The following TRPS1 variants were observed in gnomAD, a reference collection of about 807,000 sequenced individuals.
TRPS1 encodes transcriptional repressor GATA binding 1, also known as zinc finger transcription factor Trps1.
Under a neutral mutation model 101.2 loss-of-function variants are expected in TRPS1, and 6 were observed. The observed-to-expected ratio is 0.06, with a 90% confidence interval of 0.03 to 0.12. The LOEUF is 0.12. Ranked by LOEUF, TRPS1 falls within the 10% of genes least tolerant of loss-of-function variation. The pLI, the probability that TRPS1 is intolerant of heterozygous loss-of-function variation, is 1.00. For synonymous variants in TRPS1, 578 were observed against 589.8 expected (o/e 0.98, Z 0.29); for missense variants, 1,363 against 1,567.0 (o/e 0.87, Z 2.20).
chr8:115,547,556 T>C (rs779433353), intron 5 of TRPS1, among the ~76,000 whole-genome samples: 2 of 152,154 alleles, frequency 1.3e-5, no homozygotes, highest in Non-Finnish European at 2.9e-5. Context: ...GTGTTTCAAA[T>C]AGAAGGCAGT....
chr8:115,596,794 G>A (rs1046920258), intron 4 of TRPS1, among the ~76,000 whole-genome samples: 1 of 151,716 alleles, frequency 6.6e-6, no homozygotes, highest in Non-Finnish European at 1.5e-5. Context: ...GTATGTATAT[G>A]TATGCATGCA....
intron 3 of TRPS1, among the ~76,000 whole-genome samples, chr8:115,609,675 G>C (rs1398389813): frequency 6.6e-6 from 1 of 152,100 alleles, no homozygotes; most frequent in East Asian, 1.9e-4. Flanking sequence ...CTTTGATTGT[G>C]AATTAAAGTT....
At chr8:115,495,721 C>T (rs1387163781) in intron 5 of TRPS1, among the ~76,000 whole-genome samples, 3 of 151,670 alleles carry the variant, frequency 2.0e-5, no homozygotes, top group Non-Finnish European at 4.4e-5. Context: ...TCTTTACAAG[C>T]CCAGTCTTTT....
chr8:115,507,871 G>A (rs968916267), intron 5 of TRPS1, among the ~76,000 whole-genome samples: 2 of 152,038 alleles, frequency 1.3e-5, no homozygotes, highest in Non-Finnish European at 2.9e-5. Flanking sequence ...GAATCCTAAT[G>A]TACTGCTTAA....
chr8:115,580,300 G>A (rs1817415786), intron 5 of TRPS1, among the ~76,000 whole-genome samples: 1 of 150,476 alleles, frequency 6.6e-6, no homozygotes, highest in Admixed American at 6.6e-5. Context: ...CCTTTTTGGT[G>A]AAAATAACAA....
At chr8:115,526,217 G>A (rs966490704) in intron 5 of TRPS1, among the ~76,000 whole-genome samples, 14 of 152,178 alleles carry the variant, frequency 9.2e-5, no homozygotes, top group Non-Finnish European at 1.5e-4. Context: ...ACTGAGGCAG[G>A]AGAATCTCTT....
intron 5 of TRPS1, among the ~76,000 whole-genome samples, chr8:115,514,926 AAG>A (rs1255643155): frequency 6.6e-6 from 1 of 151,686 alleles, no homozygotes; most frequent in Admixed American, 6.6e-5. Flanking sequence ...TGTAGAAAAA[AAG>A]AATACATTTT....
chr8:115,574,447 C>T (rs1191450117), intron 5 of TRPS1, among the ~76,000 whole-genome samples: 3 of 152,084 alleles, frequency 2.0e-5, no homozygotes, highest in Non-Finnish European at 2.9e-5. Context: ...TAATGAATCT[C>T]TAGTGTTATG....
intron 5 of TRPS1, among the ~76,000 whole-genome samples, chr8:115,575,677 T>C (rs1817301962): frequency 6.6e-6 from 1 of 152,074 alleles, no homozygotes; most frequent in African/African-American, 2.4e-5. Flanking sequence ...AGGAGCTAAG[T>C]AGAAATTTGG....
intron 5 of TRPS1, among the ~76,000 whole-genome samples, chr8:115,467,907 A>C (rs1266637108): frequency 6.6e-6 from 1 of 152,164 alleles, no homozygotes; most frequent in South Asian, 2.1e-4. Context: ...CCTTGGGCAC[A>C]ACAGAGATGT....
At chr8:115,492,572 T>G (rs1815054778) in intron 5 of TRPS1, among the ~76,000 whole-genome samples, 1 of 152,022 alleles carries the variant, frequency 6.6e-6, no homozygotes, top group South Asian at 2.1e-4. Context: ...CATTCTAGTT[T>G]ATAGATGAGG....
chr8:115,643,490 A>T (rs1339400916), intron 1 of TRPS1, among the ~76,000 whole-genome samples: 2 of 152,216 alleles, frequency 1.3e-5, no homozygotes, highest in Non-Finnish European at 2.9e-5. Context: ...GCTTATCTTT[A>T]AGAAAAAGCA....
intron 5 of TRPS1, among the ~76,000 whole-genome samples, chr8:115,482,283 A>C (rs1814773602): frequency 6.6e-6 from 1 of 152,214 alleles, no homozygotes; most frequent in African/African-American, 2.4e-5. Flanking sequence ...AGCTTGCTGC[A>C]GTTTGGTGAT....
At chr8:115,632,334 AAAAT>A (rs1329960833) in intron 1 of TRPS1, among the ~76,000 whole-genome samples, 3 of 152,174 alleles carry the variant, frequency 2.0e-5, no homozygotes, top group Admixed American at 1.3e-4. Flanking sequence ...TAATACATAA[AAAAT>A]AAATAGTTTA....
Position 115,604,070 on chromosome 8 carries a change from T to C in TRPS1, c.1899A>G (p.Ser633=), listed in dbSNP as rs1477168317. The C allele has an allele frequency of 1.2e-6, 2 of 1,613,912 alleles. No homozygotes were observed. The highest frequency in any genetic ancestry group is 1.7e-5 in the Admixed American group (1 of 59,962). Residue 633 remains serine (S), a synonymous_variant, in exon 4 of 7, where the codon TCA becomes TCG. Transcript: ENST00000395715. This position sits in a 1 kb window ranked among gnomAD's most constrained non-coding sequence, Gnocchi z 4.1. ...SRVKHQCHQC[S]FTTPDVDVLL... is the part of the protein sequence containing the mutation. The stretch of plus-strand genomic sequence containing the variant: ...GTACATCTACGTCAGGGGTGGTGAA[T>C]GAACACTGATGGCACTGATGTTTGA...
chr8:115,572,595 T>C (rs1353926388), intron 5 of TRPS1, among the ~76,000 whole-genome samples: 1 of 152,202 alleles, frequency 6.6e-6, no homozygotes. Flanking sequence ...AGCTTAGTCA[T>C]GGTAATGCTG....
chr8:115,434,354 G>A (rs1813397826), intron 5 of TRPS1, among the ~76,000 whole-genome samples: 1 of 152,094 alleles, frequency 6.6e-6, no homozygotes, highest in South Asian at 2.1e-4. Flanking sequence ...TCTGGAAGTT[G>A]ATCCATGCTA....
intron 5 of TRPS1, among the ~76,000 whole-genome samples, chr8:115,475,197 G>A (rs541366350): frequency 1.4e-5 from 2 of 145,882 alleles, no homozygotes; most frequent in Admixed American, 1.4e-4. Flanking sequence ...TGGTTATAAA[G>A]TTATAATGAA....
rs767220261 is a variant in TRPS1, at chr8:115,587,457, G to T, written c.2244C>A (p.Thr748=). The T allele has an allele frequency of 4.3e-6, 7 of 1,614,022 alleles. No individual in the cohort carries two copies. The highest frequency in any genetic ancestry group is 5.9e-6 in the Non-Finnish European group (7 of 1,180,022). Residue 748 remains threonine (T), a synonymous_variant, in exon 5 of 7, where the codon ACC becomes ACA. Transcript: ENST00000395715. ...AGTCAATTTTGGGCTCCTCTTTGAT[G>T]GTGGATATGGCATGACCGTCCTCTT... is the stretch of plus-strand genomic sequence containing the variant. ...NGEEDGHAIS[T]IKEEPKIDFR...
Sources: gnomAD v4.1 joint callset for allele counts (sites outside exome capture counted in the v4.1 genomes callset) on GRCh38, gnomAD v4.1.1 for gene constraint, Gnocchi (gnomAD v3.1) non-coding constraint, MANE v1.5 for transcripts, NCBI Gene and HGNC (gene_info 2026-07-23, HGNC 2026-07-21) for gene names.